Variants in PCDH11X observed in about 807,000 individuals in gnomAD.
PCDH11X encodes the protein protocadherin 11 X-linked, also known as protocadherin-11 X-linked.
PCDH11X carries 18 observed loss-of-function variants against 53.3 expected under a neutral mutation model. That is an observed-to-expected ratio of 0.34 (90% CI 0.23 to 0.50). The LOEUF is 0.50. Among genes scored for constraint, PCDH11X ranks in the 20% least tolerant of loss-of-function variants. The pLI is 0.98. For missense variants in PCDH11X, 570 were observed against 1,032.4 expected, an observed-to-expected ratio of 0.55 and a Z score of 6.14; for synonymous variants, 279 against 393.3, an observed-to-expected ratio of 0.71 and a Z score of 3.44.
intron 10 of PCDH11X, among the ~76,000 whole-genome samples, chrX:92,522,413 C>T (rs186823579): frequency 5.0e-4 from 56 of 110,989 alleles, no homozygotes; most frequent in African/African-American, 1.8e-3. Flanking sequence ...TTTGTGGTAT[C>T]CAAAAGCAAT....
intron 9 of PCDH11X, among the ~76,000 whole-genome samples, chrX:92,443,733 T>A (rs1209117677): frequency 2.7e-5 from 3 of 111,619 alleles, no homozygotes; most frequent in Non-Finnish European, 5.7e-5. Flanking sequence ...ACCATTATTC[T>A]TCTGCATGTG....
At chrX:92,198,695 TTATTTTCATGAAAGACTTTATA>T (rs1219204915) in intron 6 of PCDH11X, among the ~76,000 whole-genome samples, 6 of 111,226 alleles carry the variant, frequency 5.4e-5, no homozygotes, top group Non-Finnish European at 9.4e-5. Flanking sequence ...CTGCATCTTA[TTATTTTCATGAAAGACTTTATA>T]TATTTTCATG....
chrX:91,992,730 A>T (rs957646876), intron 6 of PCDH11X, among the ~76,000 whole-genome samples: 39 of 105,677 alleles, frequency 3.7e-4, no homozygotes, highest in Middle Eastern at 4.8e-3. Flanking sequence ...GTTTGCTCAC[A>T]GCTTGAGAAA....
chrX:92,478,636 A>G (rs866301226), intron 10 of PCDH11X, among the ~76,000 whole-genome samples: 1 of 111,284 alleles, frequency 9.0e-6, no homozygotes, highest in Non-Finnish European at 1.9e-5. Flanking sequence ...CCTAAAAGTC[A>G]TTCATGACCT....
At chrX:92,070,851 G>C (rs144860969) in intron 6 of PCDH11X, among the ~76,000 whole-genome samples, 3,493 of 111,355 alleles carry the variant, frequency 0.031, 102 homozygotes, top group African/African-American at 0.088. Flanking sequence ...CCAGGCTGGA[G>C]TGCAGTGGTG....
At chrX:91,973,872 C>A (rs1463976229) in intron 6 of PCDH11X, among the ~76,000 whole-genome samples, 1 of 111,046 alleles carries the variant, frequency 9.0e-6, no homozygotes, top group African/African-American at 3.3e-5. Context: ...GCCTTGGCCT[C>A]CCAAAGTGCT....
intron 6 of PCDH11X, among the ~76,000 whole-genome samples, chrX:92,144,140 A>G (rs1488757626): frequency 9.0e-6 from 1 of 110,921 alleles, no homozygotes; most frequent in African/African-American, 3.3e-5. Context: ...TTTTGATTAT[A>G]TAGGCTCATA....
At chrX:92,282,524 A>C (rs756981669) in intron 8 of PCDH11X, among the ~76,000 whole-genome samples, 3 of 111,981 alleles carry the variant, frequency 2.7e-5, no homozygotes, top group Non-Finnish European at 5.7e-5. Flanking sequence ...CGTATGATGA[A>C]GTTAAGAAAG....
At chrX:92,487,396 A>T (rs1402744979) in intron 10 of PCDH11X, among the ~76,000 whole-genome samples, 1 of 111,392 alleles carries the variant, frequency 9.0e-6, no homozygotes, top group Non-Finnish European at 1.9e-5. Context: ...GAGAGATAGT[A>T]CTTAATGTTT....
At chrX:92,000,430 T>TA (rs1189826073) in intron 6 of PCDH11X, among the ~76,000 whole-genome samples, 3 of 109,309 alleles carry the variant, frequency 2.7e-5, no homozygotes, top group Non-Finnish European at 3.8e-5. Context: ...TATTTCCTTT[T>TA]AAAAAATTAT....
chrX:91,995,449 C>T (rs2147950060), intron 6 of PCDH11X, among the ~76,000 whole-genome samples: 1 of 111,220 alleles, frequency 9.0e-6, no homozygotes, highest in African/African-American at 3.3e-5. Flanking sequence ...TATGCTTTCC[C>T]TATTGTGCAT....
chrX:92,453,233 A>G (rs2072837563), intron 9 of PCDH11X, among the ~76,000 whole-genome samples: 1 of 107,917 alleles, frequency 9.3e-6, no homozygotes, highest in Admixed American at 1.0e-4. Context: ...TATTTTGGTG[A>G]ATTACACTAT....
chrX:91,780,801 G>T lies in PCDH11X; in HGVS notation c.-379+1117G>T, dbSNP rs184468650. ...GGAGCGGCAGTCCGCCCGGGTTGCGGCTGGGACTCGCATCTGAGCGCTTAG... is the reference window on the plus strand; with the variant it reads ...GGAGCGGCAGTCCGCCCGGGTTGCGTCTGGGACTCGCATCTGAGCGCTTAG... On this transcript the variant is annotated intron_variant, in intron 1 of 10. Transcript: ENST00000682573. Among the ~76,000 whole-genome samples, 493 of 113,070 alleles carry T rather than the reference G, an allele frequency of 4.4e-3. 3 individuals are homozygous for T. The highest frequency in any genetic ancestry group is 0.015 in the African/African-American group (464 of 31,163).
chrX:91,814,287 C>T lies in PCDH11X; in HGVS notation c.-45+2992C>T, dbSNP rs113075163. Among the ~76,000 whole-genome samples, 627 of 110,628 alleles carry T rather than the reference C, an allele frequency of 5.7e-3. 4 individuals are homozygous for T. Among genetic ancestry groups the T allele is most frequent in the African/African-American group, 0.019 (593 of 30,563 alleles). ...TTGTTCAGTTTAAGCGTTTGAAAAC[C>T]AATCATAATATCTATAGATAAATGT... is the stretch of plus-strand genomic sequence containing the variant. On this transcript the variant is annotated intron_variant, in intron 4 of 10. Coordinates refer to ENST00000682573, the MANE Select transcript of PCDH11X (RefSeq NM_032968.5).
At chrX:91,881,892 C>A in intron 6 of PCDH11X, among the ~76,000 whole-genome samples, 1 of 110,816 alleles carries the variant, frequency 9.0e-6, no homozygotes, top group Non-Finnish European at 1.9e-5. Flanking sequence ...AATGCATTTT[C>A]AAAATGAGGG....
intron 6 of PCDH11X, among the ~76,000 whole-genome samples, chrX:91,909,990 T>G (rs1287610531): frequency 9.0e-6 from 1 of 111,690 alleles, no homozygotes; most frequent in Non-Finnish European, 1.9e-5. Context: ...ATAGTCATCA[T>G]GTTGTACGTT....
At chrX:91,801,047 G>A (rs1935916776) in intron 1 of PCDH11X, among the ~76,000 whole-genome samples, 1 of 106,383 alleles carries the variant, frequency 9.4e-6, no homozygotes. Flanking sequence ...GGGTGTGGTG[G>A]CATGCGGCTG....
At chrX:92,009,270 A>G (rs750955947) in intron 6 of PCDH11X, among the ~76,000 whole-genome samples, 2 of 111,861 alleles carry the variant, frequency 1.8e-5, no homozygotes, top group Non-Finnish European at 3.8e-5. Flanking sequence ...GTGGTTTGCT[A>G]TAATTTTCAG....
At position 92,165,859 on chromosome X, in the gene PCDH11X, T is replaced by C. The variant is rs1603092286; in HGVS notation, c.3034-35516T>C. 2.7e-5 allele frequency among the ~76,000 whole-genome samples: 3 copies of C among 111,468 alleles called. No individual in the cohort carries two copies. The Middle Eastern group carries it at 0.014, about 518-fold the overall frequency. ...ATAGGAGGGGATAGATTTCATGAAA[T>C]TCCTGAAAGCATTATGGGACTATTA... On this transcript the variant is annotated intron_variant, in intron 6 of 10. Transcript: ENST00000682573.
Sources: allele counts gnomAD v4.1 joint callset (sites outside exome capture counted in the v4.1 genomes callset), GRCh38; gene constraint gnomAD v4.1.1; transcripts MANE v1.5; gene names NCBI Gene and HGNC (gene_info 2026-07-23, HGNC 2026-07-21).